GREB1: variants seen among roughly 807,000 people sequenced by gnomAD.
GREB1 encodes protein GREB1.
Under a neutral mutation model 200.7 loss-of-function variants are expected in GREB1, and 106 were observed. The observed-to-expected ratio is 0.53, with a 90% CI of 0.45 to 0.62. The LOEUF (loss-of-function observed/expected upper bound fraction) is 0.62. Ranked by LOEUF, GREB1 falls within the 20% of genes least tolerant of loss-of-function variation. The pLI, the probability that GREB1 is intolerant of heterozygous loss-of-function variation, is 0.00. For synonymous variants in GREB1, 1,132 were observed against 1,092.4 expected (o/e 1.04, Z -0.72); for missense variants, 2,243 against 2,556.8 (o/e 0.88, Z 2.65).
rs143905444 is a variant in GREB1, at chr2:11,603,024, G to A, written c.2666+482G>A. 3.8e-3 allele frequency among the ~76,000 whole-genome samples: 577 copies of A among 152,308 alleles called. 5 individuals are homozygous for A. The highest frequency in any genetic ancestry group is 6.8e-3 in the Middle Eastern group (2 of 294). Reference sequence around the variant, plus strand: ...CTACTGTTATTCATACTTTGCAAATGAAGAGGCTGAGGCTTGGAGAGGCCC... The same window carrying A: ...CTACTGTTATTCATACTTTGCAAATAAAGAGGCTGAGGCTTGGAGAGGCCC... On this transcript the variant is annotated intron_variant, in intron 17 of 32. Coordinates refer to ENST00000381486, the MANE Select transcript of GREB1 (RefSeq NM_014668.4).
At chr2:11,501,979 C>T (rs1355902999) in intron 1 of GREB1, among the ~76,000 whole-genome samples, 1 of 117,972 alleles carries the variant, frequency 8.5e-6, no homozygotes, top group Non-Finnish European at 1.6e-5. Context: ...TGCAATGGTG[C>T]GATCTCGGCT....
At chr2:11,595,736 C>T (rs1056317416) in intron 12 of GREB1, among the ~76,000 whole-genome samples, 29 of 152,128 alleles carry the variant, frequency 1.9e-4, no homozygotes, top group Non-Finnish European at 5.9e-5. Context: ...GTTCCGCATC[C>T]CTCGTGCTCT....
At chr2:11,612,921 A>T (rs528390705) in intron 19 of GREB1, among the ~76,000 whole-genome samples, 4 of 152,132 alleles carry the variant, frequency 2.6e-5, no homozygotes, top group Non-Finnish European at 5.9e-5. Context: ...GTGTCTCCCC[A>T]TGGGGCGCTC....
intron 1 of GREB1, among the ~76,000 whole-genome samples, chr2:11,482,920 G>T (rs910802468): frequency 2.6e-5 from 4 of 151,344 alleles, no homozygotes; most frequent in African/African-American, 7.3e-5. Flanking sequence ...GGCGGCGGGC[G>T]CTCAGGAGCG....
At chr2:11,614,791 C>G in intron 19 of GREB1, among the ~76,000 whole-genome samples, 1 of 152,104 alleles carries the variant, frequency 6.6e-6, no homozygotes. Context: ...TCTCGATCTC[C>G]TGACCTTGTG....
intron 11 of GREB1, among the ~76,000 whole-genome samples, chr2:11,594,090 A>G (rs1474298415): frequency 6.6e-6 from 1 of 152,008 alleles, no homozygotes. Flanking sequence ...TGCAGTATCG[A>G]GCTCCCGGGC....
intron 24 of GREB1, among the ~76,000 whole-genome samples, chr2:11,626,222 T>G (rs1684439780): frequency 6.6e-6 from 1 of 152,118 alleles, no homozygotes; most frequent in Non-Finnish European, 1.5e-5. Context: ...TCCCTTGCAC[T>G]GAGGATCCTT....
rs1196150917 is a variant in GREB1, at chr2:11,553,002, TC to T, written c.-161-3450del. Among the ~76,000 whole-genome samples, 414 of 113,452 alleles carry T rather than the reference TC, an allele frequency of 3.6e-3. 3 individuals are homozygous for T. Among genetic ancestry groups the T allele is most frequent in the Non-Finnish European group, 4.9e-3 (297 of 60,380 alleles). The allele number at this position is 113,452 out of a possible 152,430, so 74.4% of individuals were successfully genotyped here. On this transcript the variant is annotated intron_variant, in intron 1 of 32. Coordinates refer to ENST00000381486, the MANE Select transcript of GREB1 (RefSeq NM_014668.4). Reference sequence around the variant, plus strand: ...TCCAGCCTGGGCGACAGAGCGAAACTCCGTCTCAAAAAAAAAAAAAAAAAGA... The same window carrying T: ...TCCAGCCTGGGCGACAGAGCGAAACTCGTCTCAAAAAAAAAAAAAAAAAGA...
intron 1 of GREB1, among the ~76,000 whole-genome samples, chr2:11,535,201 G>A (rs1169565409): frequency 2.0e-5 from 3 of 152,114 alleles, no homozygotes; most frequent in Non-Finnish European, 4.4e-5. Context: ...CTTGTCTGGC[G>A]TATCTGAGTC....
At chr2:11,515,441 A>G (rs1450574194) in intron 1 of GREB1, among the ~76,000 whole-genome samples, 1 of 152,228 alleles carries the variant, frequency 6.6e-6, no homozygotes, top group Non-Finnish European at 1.5e-5. Flanking sequence ...TGTGTTTTTT[A>G]AAAGTCTTGA....
intron 23 of GREB1, among the ~76,000 whole-genome samples, chr2:11,622,247 A>G (rs1341904473): frequency 2.6e-5 from 4 of 152,054 alleles, no homozygotes; most frequent in African/African-American, 9.7e-5. Context: ...CGCCTGGCTA[A>G]TTTTTGTATT....
Position 11,585,818 on chromosome 2 carries a change from A to G in GREB1, c.1072A>G (p.Thr358Ala), listed in dbSNP as rs750518482. 6.2e-7 allele frequency: 1 copy of G among 1,613,784 alleles called. No homozygotes were observed. ...TGGCTTGGTGGGACCAGCTTCAGTC[A>G]CCTTTCCAGTGGTGGCCTCTGGAGA... ...QVGLVGPASV[T>A]FPVVASGEPV... The change falls in exon 9 of 33, where the codon ACC becomes GCC. Residue 358 changes from threonine to alanine, a missense_variant. Transcript: ENST00000381486.
At chr2:11,483,654 G>C (rs1672571839) in intron 1 of GREB1, among the ~76,000 whole-genome samples, 1 of 149,720 alleles carries the variant, frequency 6.7e-6, no homozygotes, top group African/African-American at 2.5e-5. Flanking sequence ...TGGGTCCTGG[G>C]AACAAAGGCT....
chr2:11,539,823 T>G (rs1674594815), intron 1 of GREB1: 1 of 142,386 alleles, frequency 7.0e-6, no homozygotes, highest in Non-Finnish European at 1.5e-5. Context: ...TTTTTGGTTG[T>G]TGTTGTAGCT....
chr2:11,516,985 C>G (rs562336787), intron 1 of GREB1, among the ~76,000 whole-genome samples: 33 of 152,328 alleles, frequency 2.2e-4, no homozygotes, highest in Admixed American at 7.8e-4. Flanking sequence ...GGATTAGGAT[C>G]CAGTCCAAGC....
intron 19 of GREB1, 100 bp downstream of exon 19, chr2:11,612,710 C>A: frequency 1.4e-6 from 1 of 706,186 alleles, no homozygotes; most frequent in Non-Finnish European, 2.5e-6. Context: ...TGACGGTAGG[C>A]AGCACCACTC....
intron 1 of GREB1, among the ~76,000 whole-genome samples, chr2:11,552,880 C>G (rs143764257): frequency 0.013 from 1,911 of 151,984 alleles, 18 homozygotes; most frequent in Non-Finnish European, 0.019. Context: ...CATGGTGGCG[C>G]ACGCCTGTAG....
chr2:11,605,514 G>A (rs910447995), intron 17 of GREB1, among the ~76,000 whole-genome samples: 23 of 152,076 alleles, frequency 1.5e-4, no homozygotes, highest in Middle Eastern at 6.3e-3. Context: ...GTGAGCCACC[G>A]TGCCCGGCTG....
chr2:11,578,861 G>A (rs1309345098), intron 6 of GREB1, among the ~76,000 whole-genome samples: 1 of 152,222 alleles, frequency 6.6e-6, no homozygotes, highest in East Asian at 1.9e-4. Flanking sequence ...ACCACGCTGT[G>A]AGCAGGCGTC....
Sources: allele counts gnomAD v4.1 joint callset (sites outside exome capture counted in the v4.1 genomes callset), GRCh38; gene constraint gnomAD v4.1.1; transcripts MANE v1.5; gene names NCBI Gene and HGNC (gene_info 2026-07-23, HGNC 2026-07-21).